Variants in PTH2R observed in about 807,000 individuals in gnomAD.
PTH2R encodes the protein PTH2 receptor.
In PTH2R, 59 loss-of-function variants were observed where a neutral mutation model predicts 60.3. The ratio of observed to expected loss-of-function variants is 0.98; its 90% CI spans 0.79 to 1.22. The LOEUF is 1.22. PTH2R is among the 50% of genes most tolerant of loss of function. The pLI, the probability that PTH2R is intolerant of heterozygous loss-of-function variation, is 0.00. For missense variants in PTH2R, 749 were observed against 682.6 expected (o/e 1.10, Z -1.08); for synonymous variants, 256 against 243.8 (o/e 1.05, Z -0.47).
At chr2:208,459,001 C>G (rs202117688) in intron 8 of PTH2R, among the ~76,000 whole-genome samples, 1 of 97,512 alleles carries the variant, frequency 1.0e-5, no homozygotes, top group Admixed American at 9.9e-5. Context: ...AATGGTAGTT[C>G]TTCTTTTAGC....
At position 208,444,873 on chromosome 2, in the gene PTH2R, T is replaced by A. The variant is rs1702258852; in HGVS notation, c.839T>A (p.Ile280Asn). 1 of 1,613,390 alleles carries A rather than the reference T, an allele frequency of 6.2e-7. No individual in the cohort carries two copies. Among genetic ancestry groups the A allele is most frequent in the Non-Finnish European group, 8.5e-7 (1 of 1,179,628 alleles). Residue 280 changes from isoleucine (I) to asparagine (N), a missense_variant, in exon 7 of 13, where the codon ATC (isoleucine) becomes AAC (asparagine). By Grantham distance (149) the Ile-to-Asn change is moderately radical (BLOSUM62 -3). Coordinates refer to ENST00000272847, the MANE Select transcript of PTH2R (RefSeq NM_005048.4). ...FSDTKYLWGFILIGWGFPAAF... is the reference protein window; with the variant it reads ...FSDTKYLWGFNLIGWGFPAAF... ...GACACCAAATACCTGTGGGGCTTCA[T>A]CTTGATAGGCTGGGGTAAGACATTT...
chr2:208,469,006 T>G (rs1209442849), intron 9 of PTH2R, among the ~76,000 whole-genome samples: 1 of 152,222 alleles, frequency 6.6e-6, no homozygotes, highest in African/African-American at 2.4e-5. Flanking sequence ...AAAGAACTTG[T>G]GAGTTCATTT....
chr2:208,451,759 G>A (rs1039922753), intron 8 of PTH2R, among the ~76,000 whole-genome samples: 1 of 152,118 alleles, frequency 6.6e-6, no homozygotes, highest in African/African-American at 2.4e-5. Flanking sequence ...CTTCCAGGTA[G>A]CATGGAGCTA....
intron 1 of PTH2R, among the ~76,000 whole-genome samples, chr2:208,378,462 T>A (rs911822061): frequency 6.6e-6 from 1 of 152,090 alleles, no homozygotes; most frequent in Admixed American, 6.5e-5. Flanking sequence ...CCTTCCGTAG[T>A]TCCTCCCAAA....
chr2:208,490,570 T>C, intron 11 of PTH2R, 69 bp from the exon 12 acceptor site: 1 of 1,490,974 alleles, frequency 6.7e-7, no homozygotes, highest in Non-Finnish European at 9.1e-7. Context: ...GTACACATTT[T>C]GGCACAAGAT....
intron 9 of PTH2R, among the ~76,000 whole-genome samples, chr2:208,480,056 G>A (rs1254230700): frequency 6.6e-6 from 1 of 152,168 alleles, no homozygotes; most frequent in Non-Finnish European, 1.5e-5. Context: ...GTGCTCACAG[G>A]GTTGTCAGTG....
At chr2:208,404,629 A>G (rs1240219791), upstream of PTH2R, among the ~76,000 whole-genome samples, 2 of 152,140 alleles carry the variant, frequency 1.3e-5, no homozygotes, top group Admixed American at 6.5e-5. Context: ...GCAACTTGTT[A>G]TTAGTAATAA....
intron 9 of PTH2R, among the ~76,000 whole-genome samples, chr2:208,467,121 A>T (rs887283717): frequency 1.3e-5 from 2 of 152,070 alleles, no homozygotes; most frequent in African/African-American, 4.8e-5. Flanking sequence ...CTCCTTGGAG[A>T]TGTCAGACTT....
intron 2 of PTH2R, among the ~76,000 whole-genome samples, chr2:208,435,649 G>C (rs1360865300): frequency 6.6e-6 from 1 of 152,154 alleles, no homozygotes; most frequent in Non-Finnish European, 1.5e-5. Flanking sequence ...TGGGGACCTT[G>C]GTTCTATGTC....
At chr2:208,469,265 T>C (rs1702827340) in intron 9 of PTH2R, among the ~76,000 whole-genome samples, 1 of 152,226 alleles carries the variant, frequency 6.6e-6, no homozygotes, top group African/African-American at 2.4e-5. Flanking sequence ...GCATTACATG[T>C]GGCATGGTTT....
At chr2:208,370,165 C>T (rs771293522) in intron 1 of PTH2R, among the ~76,000 whole-genome samples, 3 of 151,892 alleles carry the variant, frequency 2.0e-5, no homozygotes, top group Admixed American at 2.0e-4. Context: ...AAAGGTTGGC[C>T]GGGCACGGTG....
At chr2:208,491,703 A>G (rs964521925) in intron 12 of PTH2R, among the ~76,000 whole-genome samples, 5 of 144,312 alleles carry the variant, frequency 3.5e-5, no homozygotes, top group African/African-American at 1.3e-4. Flanking sequence ...TTTAGCTTCC[A>G]TATCTTGGTG....
chr2:208,362,735 T>A (rs1700501892), intron 1 of PTH2R, among the ~76,000 whole-genome samples: 1 of 152,226 alleles, frequency 6.6e-6, no homozygotes, highest in South Asian at 2.1e-4. Context: ...TTTAATTTTT[T>A]GAGGAAATGC....
intron 10 of PTH2R, among the ~76,000 whole-genome samples, chr2:208,483,364 T>C (rs1288192312): frequency 6.6e-6 from 1 of 152,206 alleles, no homozygotes; most frequent in Non-Finnish European, 1.5e-5. Context: ...TTTTCACTCT[T>C]CTTCATAAAG....
intron 1 of PTH2R, among the ~76,000 whole-genome samples, chr2:208,398,288 T>G (rs1194580332): frequency 6.6e-6 from 1 of 152,184 alleles, no homozygotes; most frequent in African/African-American, 2.4e-5. Context: ...ATAAATAGAG[T>G]CACATTTATC....
chr2:208,420,218 TG>T (rs1701726729), intron 1 of PTH2R, among the ~76,000 whole-genome samples: 1 of 151,660 alleles, frequency 6.6e-6, no homozygotes, highest in African/African-American at 2.4e-5. Context: ...CACAGCAACA[TG>T]GCACATGTAT....
rs191423068 is a variant in PTH2R, at chr2:208,470,234, G to A, written c.981+10273G>A. Among the ~76,000 whole-genome samples the A allele has an allele frequency of 1.7e-3, 259 of 152,246 alleles. 2 individuals are homozygous for A. The highest frequency in any genetic ancestry group is 3.3e-3 in the Non-Finnish European group (224 of 67,996). On this transcript the variant is annotated intron_variant, in intron 9 of 12. Coordinates refer to ENST00000272847, the MANE Select transcript of PTH2R (RefSeq NM_005048.4). Reference sequence around the variant, plus strand: ...TAGGGAAAAGAAAAGGAGGAACTGTGGTATTTGTCTTTATGTAAATATTTC... The same window carrying A: ...TAGGGAAAAGAAAAGGAGGAACTGTAGTATTTGTCTTTATGTAAATATTTC...
chr2:208,362,691 G>A (rs1254035813), intron 1 of PTH2R, among the ~76,000 whole-genome samples: 2 of 152,202 alleles, frequency 1.3e-5, no homozygotes, highest in Non-Finnish European at 2.9e-5. Context: ...TAAATACCCA[G>A]AAGTGGATTG....
chr2:208,365,054 GTT>G (rs34918094), intron 1 of PTH2R, among the ~76,000 whole-genome samples: 3 of 140,554 alleles, frequency 2.1e-5, no homozygotes, highest in Admixed American at 7.1e-5. Context: ...GTTCTAACCT[GTT>G]TTTTTTTTTT....
Sources: gnomAD v4.1 joint callset for allele counts (sites outside exome capture counted in the v4.1 genomes callset) on GRCh38, gnomAD v4.1.1 for gene constraint, MANE v1.5 for transcripts, NCBI Gene and HGNC (gene_info 2026-07-23, HGNC 2026-07-21) for gene names.